SYN3: variants seen among roughly 807,000 people sequenced by gnomAD.
SYN3 encodes synapsin III, also known as synapsin-3.
Under a neutral mutation model 65.8 loss-of-function variants are expected in SYN3, and 35 were observed. The ratio of observed to expected loss-of-function variants is 0.53; its 90% confidence interval spans 0.41 to 0.70. The LOEUF (loss-of-function observed/expected upper bound fraction) is 0.70, where lower values mean the gene tolerates loss of function less well. Among genes scored for constraint, SYN3 ranks in the 30% least tolerant of loss-of-function variants. The pLI is 0.00. For missense variants in SYN3, 680 were observed against 749.0 expected (o/e 0.91, Z 1.08); for synonymous variants, 270 against 292.9 (o/e 0.92, Z 0.80).
Position 32,512,266 on chromosome 22 carries a change from CCT to C in SYN3, c.*1424_*1425del, listed in dbSNP as rs1194239137. 6.6e-6 allele frequency among the ~76,000 whole-genome samples: 1 copy of C among 152,194 alleles called. No individual in the cohort carries two copies. The highest frequency in any genetic ancestry group is 1.5e-5 in the Non-Finnish European group (1 of 68,032). On this transcript the variant is annotated 3_prime_UTR_variant, in exon 14 of 14. Coordinates refer to ENST00000358763, the MANE Select transcript of SYN3 (RefSeq NM_003490.4). ...CCAAAGCCACTTCCATTTTTACCTC[CCT>C]CTCTCCCTTCCCTGTGGACAGCAAA...
intron 4 of SYN3, among the ~76,000 whole-genome samples, chr22:32,882,364 C>T (rs2049165218): frequency 6.6e-6 from 1 of 152,002 alleles, no homozygotes; most frequent in Non-Finnish European, 1.5e-5. Flanking sequence ...GACAGGAGTC[C>T]TTAAAAGTAC....
At chr22:32,938,923 G>C (rs1245703331) in intron 3 of SYN3, among the ~76,000 whole-genome samples, 1 of 72,538 alleles carries the variant, frequency 1.4e-5, no homozygotes, top group East Asian at 3.4e-4. Flanking sequence ...GCAAGGCTTT[G>C]TCTCAAAAAA....
chr22:32,868,921 C>A, intron 5 of SYN3, 45 bp downstream of exon 5: 1 of 1,580,630 alleles, frequency 6.3e-7, no homozygotes, highest in South Asian at 1.1e-5. Context: ...GGAGGCCACC[C>A]ACTGCCTCCC....
intron 6 of SYN3, among the ~76,000 whole-genome samples, chr22:32,739,782 T>G (rs732446): frequency 0.16 from 24,858 of 152,236 alleles, 2,621 homozygotes; most frequent in South Asian, 0.35. Flanking sequence ...GTTAAATATT[T>G]TGAGTATTAC....
At chr22:33,038,475 G>A (rs1601945902) in intron 1 of SYN3, among the ~76,000 whole-genome samples, 3 of 152,280 alleles carry the variant, frequency 2.0e-5, no homozygotes, top group African/African-American at 7.2e-5. Flanking sequence ...AACCTCCACT[G>A]TGAGCTCCGA....
intron 4 of SYN3, among the ~76,000 whole-genome samples, chr22:32,929,929 A>T (rs2050580053): frequency 6.6e-6 from 1 of 152,070 alleles, no homozygotes; most frequent in Non-Finnish European, 1.5e-5. Flanking sequence ...CTTCCTGGTA[A>T]TTCCTTACTG....
intron 7 of SYN3, among the ~76,000 whole-genome samples, chr22:32,551,138 A>G (rs2146297967): frequency 6.6e-6 from 1 of 152,324 alleles, no homozygotes; most frequent in Non-Finnish European, 1.5e-5. Context: ...TAGAATTAGG[A>G]CATCATCCTT....
At chr22:32,986,890 G>C (rs749526929) in intron 2 of SYN3, among the ~76,000 whole-genome samples, 2 of 152,112 alleles carry the variant, frequency 1.3e-5, no homozygotes, top group Non-Finnish European at 2.9e-5. Flanking sequence ...GAGGCCCCAG[G>C]AAGAAGAATA....
chr22:33,036,678 CTTTTTTTTTTT>C (rs133977), intron 1 of SYN3, among the ~76,000 whole-genome samples: 7 of 99,530 alleles, frequency 7.0e-5, no homozygotes, highest in South Asian at 6.6e-4. Flanking sequence ...AGCCCAAGTT[CTTTTTTTTTTT>C]TTTTTTTTTT....
intron 4 of SYN3, among the ~76,000 whole-genome samples, chr22:32,880,980 G>A (rs2049118039): frequency 1.3e-5 from 2 of 152,182 alleles, no homozygotes; most frequent in South Asian, 4.1e-4. Context: ...GTGGCATGTC[G>A]CCGGGAGGCA....
intron 3 of SYN3, among the ~76,000 whole-genome samples, chr22:32,959,793 T>A (rs1173762144): frequency 1.3e-5 from 2 of 152,236 alleles, no homozygotes; most frequent in East Asian, 3.9e-4. Flanking sequence ...GATCTCACTA[T>A]GTTGTTGCCC....
At chr22:32,998,776 TAAAAAAAAAAAAAA>T (rs34372968) in intron 2 of SYN3, among the ~76,000 whole-genome samples, 1 of 82,008 alleles carries the variant, frequency 1.2e-5, no homozygotes, top group Admixed American at 1.4e-4. Context: ...ATAGAAATAG[TAAAAAAAAAAAAAA>T]AAAAAAAAAC....
intron 3 of SYN3, among the ~76,000 whole-genome samples, chr22:32,961,281 G>A (rs1051311085): frequency 2.0e-5 from 3 of 152,138 alleles, no homozygotes; most frequent in Admixed American, 1.3e-4. Context: ...TACAGAAGAG[G>A]AGACAGGTTA....
At chr22:32,987,984 T>C (rs1018322541) in intron 2 of SYN3, among the ~76,000 whole-genome samples, 6 of 151,698 alleles carry the variant, frequency 4.0e-5, no homozygotes, top group Non-Finnish European at 7.4e-5. Flanking sequence ...GCAGGGGAGA[T>C]TGGACTTCAG....
rs1323511724 is a variant in SYN3, at chr22:32,984,236, T to TCC, written c.312-3536_312-3535dup. ...AGAGTCCCAAAGAGTCTGTCTTCCT[T>TCC]CCTTGGCAGATACAATTTCATAATG... is the stretch of plus-strand genomic sequence containing the variant. On this transcript the variant is annotated intron_variant, in intron 2 of 13. Transcript: ENST00000358763. Among the ~76,000 whole-genome samples, 10 of 150,096 alleles carry TCC rather than the reference T, an allele frequency of 6.7e-5. No individual in the cohort carries two copies. In the East Asian group the frequency reaches 2.0e-3, roughly 29 times the overall value.
At chr22:32,982,726 AT>A (rs1454400578) in intron 2 of SYN3, among the ~76,000 whole-genome samples, 1 of 152,210 alleles carries the variant, frequency 6.6e-6, no homozygotes, top group Non-Finnish European at 1.5e-5. Flanking sequence ...ATAGTAGGAA[AT>A]TGATTAATAT....
intron 6 of SYN3, among the ~76,000 whole-genome samples, chr22:32,725,105 A>G (rs1015070152): frequency 1.3e-5 from 2 of 152,208 alleles, no homozygotes; most frequent in African/African-American, 2.4e-5. Context: ...TGACAGGGTG[A>G]GACTTTGTCT....
intron 4 of SYN3, among the ~76,000 whole-genome samples, chr22:32,883,646 C>T (rs781590696): frequency 1.3e-5 from 2 of 152,212 alleles, no homozygotes; most frequent in Non-Finnish European, 1.5e-5. Context: ...TTGGAATGTG[C>T]AGCCAAGGCT....
intron 1 of SYN3, among the ~76,000 whole-genome samples, chr22:33,017,443 G>T (rs556858788): frequency 1.3e-5 from 2 of 152,304 alleles, no homozygotes; most frequent in Admixed American, 1.3e-4. Context: ...GATAGGGATT[G>T]CATTGAATCT....
Sources: gnomAD v4.1 joint callset for allele counts (sites outside exome capture counted in the v4.1 genomes callset) on GRCh38, gnomAD v4.1.1 for gene constraint, MANE v1.5 for transcripts, NCBI Gene and HGNC (gene_info 2026-07-23, HGNC 2026-07-21) for gene names.